The following C2CD3 variants were observed in gnomAD, a reference collection of about 807,000 sequenced individuals.
The protein encoded by C2CD3 is C2 domain containing 3 centriole elongation regulator.
In C2CD3, 148 loss-of-function variants were observed where a neutral mutation model predicts 234.0. The ratio of observed to expected loss-of-function variants is 0.63; its 90% CI spans 0.55 to 0.72. The LOEUF (loss-of-function observed/expected upper bound fraction) is 0.72. Ranked by LOEUF, C2CD3 falls within the 30% of genes least tolerant of loss-of-function variation. The pLI, the probability that C2CD3 is intolerant of heterozygous loss-of-function variation, is 0.00. For synonymous variants in C2CD3, 1,000 were observed against 1,035.4 expected (o/e 0.97, Z 0.66); for missense variants, 2,577 against 2,811.5 (o/e 0.92, Z 1.89).
chr11:74,075,307 T>A (rs564507271), intron 23 of C2CD3, among the ~76,000 whole-genome samples: 17 of 139,854 alleles, frequency 1.2e-4, no homozygotes, highest in African/African-American at 4.5e-4. Context: ...CTTCTCCCTA[T>A]CAGGAGGCTG....
intron 3 of C2CD3, among the ~76,000 whole-genome samples, chr11:74,156,459 CAAAA>C (rs530606913): frequency 7.6e-4 from 31 of 40,920 alleles, no homozygotes; most frequent in African/African-American, 2.2e-3. Context: ...GACCCTATCT[CAAAA>C]AAAAAAAAAA....
At position 74,105,329 on chromosome 11, in the gene C2CD3, G is replaced by A. The variant is rs552484012; in HGVS notation, c.2085+1042C>T. On this transcript the variant is annotated intron_variant, in intron 13 of 32. Transcript: ENST00000334126. ...TCTGTCGCCCAGGCTGGAGTGCAAT[G>A]GTGCAACCTTGGCTCATTGCAACCT... 7.6e-4 allele frequency among the ~76,000 whole-genome samples: 116 copies of A among 152,002 alleles called. 1 individual carries two copies. Among genetic ancestry groups the A allele is most frequent in the African/African-American group, 2.7e-3 (113 of 41,474 alleles).
chr11:74,086,905 G>A (rs1361343458), intron 20 of C2CD3, among the ~76,000 whole-genome samples: 6 of 152,148 alleles, frequency 3.9e-5, no homozygotes, highest in African/African-American at 1.4e-4. Context: ...ACTTCATAGA[G>A]AGTAGTAATT....
At chr11:74,096,229 C>T (rs930682451) in intron 16 of C2CD3, among the ~76,000 whole-genome samples, 3 of 152,126 alleles carry the variant, frequency 2.0e-5, no homozygotes, top group African/African-American at 7.2e-5. Flanking sequence ...TTCTTTATCC[C>T]TATTCTATAC....
intron 13 of C2CD3, 55 bp downstream of exon 13, chr11:74,106,316 C>G (rs991490339): frequency 3.8e-6 from 6 of 1,585,876 alleles, no homozygotes; most frequent in Non-Finnish European, 5.2e-6. Context: ...TCAGTGCCAG[C>G]CAATAATGCA....
At chr11:74,144,631 G>A (rs950531826) in intron 3 of C2CD3, among the ~76,000 whole-genome samples, 2 of 152,092 alleles carry the variant, frequency 1.3e-5, no homozygotes, top group Non-Finnish European at 2.9e-5. Flanking sequence ...AGGTCCCAGT[G>A]TCTATTGTTC....
intron 32 of C2CD3, among the ~76,000 whole-genome samples, chr11:74,015,218 A>G (rs1951836749): frequency 6.6e-6 from 1 of 152,184 alleles, no homozygotes; most frequent in Admixed American, 6.5e-5. Context: ...CCAAGACAGG[A>G]GCCTGGGAGC....
rs773972982 is a variant in C2CD3 at position 74,092,427 on chromosome 11, T to C, written c.3506A>G (p.Asn1169Ser). 2.2e-5 allele frequency: 36 copies of C among 1,613,310 alleles called. No individual in the cohort carries two copies. In the Middle Eastern group the frequency reaches 8.2e-4, roughly 37 times the overall value. ...PRIENRKELRNQSSGLLDVGL... is the reference protein window; with the variant it reads ...PRIENRKELRSQSSGLLDVGL... ...TTGTTTTCAATTACCTGATGACTGGTTCCTCAATTCTTTCCTGTTCTCAAT... is the reference window on the plus strand; with the variant it reads ...TTGTTTTCAATTACCTGATGACTGGCTCCTCAATTCTTTCCTGTTCTCAAT... The change falls in exon 19 of 33, where the codon AAC becomes AGC. Residue 1169 changes from asparagine to serine, a missense_variant. Physicochemically the swap from Asn to Ser is conservative, Grantham distance 46. Coordinates refer to ENST00000334126, the MANE Select transcript of C2CD3 (RefSeq NM_001286577.2).
At chr11:74,139,110 T>G (rs1957963323) in intron 4 of C2CD3, 143 bp from the exon 5 acceptor site, 1 of 622,728 alleles carries the variant, frequency 1.6e-6, no homozygotes, top group South Asian at 2.1e-5. Flanking sequence ...AATACAACTT[T>G]GTAAATCTCT....
intron 14 of C2CD3, among the ~76,000 whole-genome samples, chr11:74,101,068 G>A (rs1790401): frequency 1.3e-3 from 196 of 152,332 alleles, no homozygotes; most frequent in African/African-American, 4.6e-3. Flanking sequence ...GACTTGACAA[G>A]AGTTGAGTAT....
At chr11:74,115,456 G>T (rs1416999705) in intron 9 of C2CD3, among the ~76,000 whole-genome samples, 1 of 151,996 alleles carries the variant, frequency 6.6e-6, no homozygotes, top group African/African-American at 2.4e-5. Flanking sequence ...TGTGATCACA[G>T]TACACATACA....
chr11:74,148,961 C>A (rs1045627116), intron 3 of C2CD3, among the ~76,000 whole-genome samples: 1 of 102,630 alleles, frequency 9.7e-6, no homozygotes, highest in Non-Finnish European at 2.2e-5. Flanking sequence ...TAGATTCAAA[C>A]AGTTCGATAA....
intron 32 of C2CD3, among the ~76,000 whole-genome samples, chr11:74,017,341 A>T (rs1031628399): frequency 6.6e-6 from 1 of 152,202 alleles, no homozygotes; most frequent in African/African-American, 2.4e-5. Context: ...AGGGGCTTTC[A>T]GGCTGCCCCA....
At chr11:74,036,080 G>C (rs1952731082) in intron 30 of C2CD3, 1 of 176,036 alleles carries the variant, frequency 5.7e-6, no homozygotes, top group African/African-American at 2.4e-5. Flanking sequence ...GGCTGGTTTT[G>C]AACTCCTAAC....
At chr11:74,145,338 C>T (rs1855105647) in intron 3 of C2CD3, among the ~76,000 whole-genome samples, 1 of 152,046 alleles carries the variant, frequency 6.6e-6, no homozygotes, top group Admixed American at 6.6e-5. Context: ...CATTTTTTCA[C>T]GTTTGTTGGC....
chr11:74,054,132 C>T (rs530905902), intron 26 of C2CD3, among the ~76,000 whole-genome samples: 1 of 151,546 alleles, frequency 6.6e-6, no homozygotes, highest in East Asian at 2.0e-4. Context: ...ATTAGCCGGG[C>T]GTGGTGGCAG....
chr11:74,170,664 T>A, intron 1 of C2CD3, 74 bp downstream of exon 1: 1 of 1,528,712 alleles, frequency 6.5e-7, no homozygotes, highest in Non-Finnish European at 9.1e-7. Context: ...CCAGCGGGGG[T>A]GCGGGTCTCC....
In C2CD3 at chr11:74,033,365, C is replaced by T. The variant is rs576162012; in HGVS notation, c.6795G>A (p.Lys2265=). ...QVTTGSETST[K]QSLLLPGPIV... ...CCAAAGGATACAGCAGGAGGCTCTG[C>T]TTTGTGGACGTCTCTGATCCAGTTG... Residue 2265 remains lysine (K), a synonymous_variant, in exon 31 of 33, where the codon AAG becomes AAA. Coordinates refer to ENST00000334126, the MANE Select transcript of C2CD3 (RefSeq NM_001286577.2). 2 of 1,535,924 alleles carry T rather than the reference C, an allele frequency of 1.3e-6. No homozygotes were observed.
Position 74,114,576 on chromosome 11 carries a change from T to C in C2CD3, c.1538A>G (p.Gln513Arg), listed in dbSNP as rs1418216331. ...ATCTTCTGGAGTTTCTGAGAGCATC[T>C]GTTGTTCAACCAAATTTCTGAAAGG... ...GKRNRNLVEQ[Q>R]MLSETPEDAQ... The change falls in exon 10 of 33, where the codon CAG (glutamine) becomes CGG (arginine). Residue 513 changes from glutamine (Q) to arginine (R), a missense_variant. Physicochemically the swap from Gln to Arg is conservative, Grantham distance 43 (BLOSUM62 1). Coordinates refer to ENST00000334126, the MANE Select transcript of C2CD3 (RefSeq NM_001286577.2). 1 of 1,613,686 alleles carries C rather than the reference T, an allele frequency of 6.2e-7. No individual in the cohort carries two copies. The highest frequency in any genetic ancestry group is 1.3e-5 in the African/African-American group (1 of 74,894).
Sources: allele counts gnomAD v4.1 joint callset (sites outside exome capture counted in the v4.1 genomes callset), GRCh38; gene constraint gnomAD v4.1.1; transcripts MANE v1.5; gene names NCBI Gene and HGNC (gene_info 2026-07-23, HGNC 2026-07-21).